The following DENND2C variants were observed in gnomAD, a reference collection of about 807,000 sequenced individuals.
DENND2C encodes DENN domain containing 2C, also known as DENN domain-containing protein 2C.
A neutral mutation model predicts 112.4 loss-of-function variants in DENND2C; 72 were observed. The observed-to-expected ratio is 0.64, with a 90% CI of 0.53 to 0.78. The LOEUF is 0.78. Among genes scored for constraint, DENND2C ranks in the 30% least tolerant of loss-of-function variants. DENND2C has a pLI of 0.00. For missense variants in DENND2C, 992 were observed against 1,113.8 expected (o/e 0.89, Z 1.56); for synonymous variants, 329 against 381.6 (o/e 0.86, Z 1.61).
At chr1:114,668,815 G>T (rs1369283479) in intron 1 of DENND2C, among the ~76,000 whole-genome samples, 1 of 152,142 alleles carries the variant, frequency 6.6e-6, no homozygotes, top group Non-Finnish European at 1.5e-5. Context: ...CTTCCTATAA[G>T]CAGCCCGTCA....
chr1:114,631,650 C>T lies in DENND2C; in HGVS notation c.-204-5462G>A, dbSNP rs538977530. On this transcript the variant is annotated intron_variant, in intron 3 of 20. Coordinates refer to ENST00000393274, the MANE Select transcript of DENND2C (RefSeq NM_001256404.2). The stretch of plus-strand genomic sequence containing the variant: ...TACAAAAATTAACCGGGAGTGGTGG[C>T]GGGTGCCTGTAGTCCCAGCTACTCG... Among the ~76,000 whole-genome samples, 10 of 152,082 alleles carry T rather than the reference C, an allele frequency of 6.6e-5. No individual in the cohort carries two copies. In the East Asian group the frequency reaches 9.7e-4, roughly 15 times the overall value.
intron 3 of DENND2C, among the ~76,000 whole-genome samples, chr1:114,636,223 G>A (rs1656652851): frequency 6.6e-6 from 1 of 151,954 alleles, no homozygotes; most frequent in Admixed American, 6.6e-5. Context: ...GGAAATAGAA[G>A]AGAATTTCCA....
In DENND2C at chr1:114,669,371, C is replaced by G. The variant is rs574142968; in HGVS notation, c.-574+612G>C. Among the ~76,000 whole-genome samples, 8 of 152,282 alleles carry G rather than the reference C, an allele frequency of 5.3e-5. No individual in the cohort carries two copies. The East Asian group carries it at 1.2e-3, about 22-fold the overall frequency. On this transcript the variant is annotated intron_variant, in intron 1 of 20. Coordinates refer to ENST00000393274, the MANE Select transcript of DENND2C (RefSeq NM_001256404.2). ...GGTATCACATCTGGTTCCGCGGGTT[C>G]TGGCCCTAGACTTGAGCCTTTTGAC...
chr1:114,603,165 G>T (rs1655563486), intron 11 of DENND2C, among the ~76,000 whole-genome samples: 2 of 148,276 alleles, frequency 1.3e-5, no homozygotes, highest in South Asian at 4.3e-4. Flanking sequence ...TTCTGAGACG[G>T]AGTCTCACTC....
chr1:114,652,831 T>C (rs1432920369), intron 2 of DENND2C, among the ~76,000 whole-genome samples: 1 of 151,900 alleles, frequency 6.6e-6, no homozygotes, highest in African/African-American at 2.4e-5. Context: ...ACAGGCCCCA[T>C]GCCTGGCTCT....
intron 10 of DENND2C, among the ~76,000 whole-genome samples, chr1:114,607,832 C>T (rs1655699325): frequency 6.6e-6 from 1 of 152,148 alleles, no homozygotes; most frequent in South Asian, 2.1e-4. Context: ...ATATACATTA[C>T]CTCACTAAAT....
At chr1:114,616,065 A>G (rs2101659098) in intron 8 of DENND2C, among the ~76,000 whole-genome samples, 1 of 151,986 alleles carries the variant, frequency 6.6e-6, no homozygotes, top group Admixed American at 6.6e-5. Flanking sequence ...ACAGAGCAAG[A>G]CTGTCTCAAA....
intron 3 of DENND2C, among the ~76,000 whole-genome samples, chr1:114,630,173 C>T (rs1208658641): frequency 6.6e-6 from 1 of 151,966 alleles, no homozygotes; most frequent in Non-Finnish European, 1.5e-5. Context: ...GGCATGGTGG[C>T]ATACGCCTGT....
chr1:114,623,548 T>G lies in DENND2C; in HGVS notation c.902A>C (p.Tyr301Ser), dbSNP rs1430729933. 6.2e-7 allele frequency: 1 copy of G among 1,611,088 alleles called. No homozygotes were observed. The highest frequency in any genetic ancestry group is 1.3e-5 in the African/African-American group (1 of 74,840). The change falls in exon 5 of 21, where the codon TAT (tyrosine) becomes TCT (serine). Residue 301 changes from tyrosine to serine, a missense_variant. Transcript: ENST00000393274. ...ELGRNSGSAL[Y>S]YTQSEDNIYE... ...GATATTGTCCTCAGACTGTGTGTAA[T>G]AAAGTGCTGACCCAGAATTTCTTCC... is the stretch of plus-strand genomic sequence containing the variant.
chr1:114,624,536 G>T (rs1656275171), intron 4 of DENND2C, among the ~76,000 whole-genome samples: 1 of 151,752 alleles, frequency 6.6e-6, no homozygotes, highest in African/African-American at 2.4e-5. Context: ...TTGAACTCCT[G>T]GCCTCAAGTG....
intron 2 of DENND2C, among the ~76,000 whole-genome samples, chr1:114,651,269 C>T (rs1657155014): frequency 1.0e-5 from 1 of 97,664 alleles, no homozygotes; most frequent in Admixed American, 1.1e-4. Flanking sequence ...GAGACCTTCC[C>T]TACACATACA....
Position 114,622,156 on chromosome 1 carries a change from C to T in DENND2C, c.1057-91G>A, listed in dbSNP as rs898268267. 9.6e-6 allele frequency: 13 copies of T among 1,354,882 alleles called. No homozygotes were observed. The African/African-American group carries it at 1.8e-4, about 18-fold the overall frequency. 83.9% of individuals were successfully genotyped at this position (1,354,882 alleles called of 1,614,324 possible). On this transcript the variant is annotated intron_variant, in intron 6 of 20. Transcript: ENST00000393274. ...TGAGATGGGGTCTTGCTCTGTCGCC[C>T]AGGCTGGAATGCAGTGGCACGATCA... is the stretch of plus-strand genomic sequence containing the variant.
At chr1:114,629,559 G>A (rs1271000714) in intron 3 of DENND2C, among the ~76,000 whole-genome samples, 5 of 152,150 alleles carry the variant, frequency 3.3e-5, no homozygotes, top group Non-Finnish European at 5.9e-5. Flanking sequence ...GATTACAAGC[G>A]TGAGCCACTG....
intron 3 of DENND2C, among the ~76,000 whole-genome samples, chr1:114,638,941 T>C (rs1376881243): frequency 6.6e-6 from 1 of 151,872 alleles, no homozygotes; most frequent in Non-Finnish European, 1.5e-5. Context: ...CTGCCATACA[T>C]ATATCTGATG....
At position 114,625,238 on chromosome 1, in the gene DENND2C, G is replaced by A; in HGVS notation, c.747C>T (p.Ala249=). 1.2e-6 allele frequency: 2 copies of A among 1,613,828 alleles called. No individual in the cohort carries two copies. The highest frequency in any genetic ancestry group is 1.7e-6 in the Non-Finnish European group (2 of 1,179,944). The change falls in exon 4 of 21, where the codon GCC becomes GCT. Residue 249 remains alanine (A), a synonymous_variant. Transcript: ENST00000393274. ...TCTTTGGTTCAGGTTCCTGAGAAGAGGCCAAAGAAGATTGTGCACAAGAGT... is the reference window on the plus strand; with the variant it reads ...TCTTTGGTTCAGGTTCCTGAGAAGAAGCCAAAGAAGATTGTGCACAAGAGT... ...ENNSCAQSSL[A]SSQEPEPKKY...
At chr1:114,592,593 G>A (rs994391558) in intron 18 of DENND2C, among the ~76,000 whole-genome samples, 2 of 152,062 alleles carry the variant, frequency 1.3e-5, no homozygotes, top group African/African-American at 2.4e-5. Flanking sequence ...GAGGGTGCAC[G>A]CCTGTAGGCC....
chr1:114,594,607 T>C, intron 17 of DENND2C, 29 bp from the exon 18 acceptor site: 1 of 1,585,086 alleles, frequency 6.3e-7, no homozygotes, highest in Admixed American at 1.7e-5. Context: ...TGGAGATTTT[T>C]CTTTGTTTGA....
intron 3 of DENND2C, among the ~76,000 whole-genome samples, chr1:114,641,057 T>C (rs1656822822): frequency 6.6e-6 from 1 of 151,990 alleles, no homozygotes. Flanking sequence ...AAAAAATCTT[T>C]CTAAAATCTG....
At chr1:114,600,060 A>G in intron 15 of DENND2C, 144 bp downstream of exon 15, 1 of 843,054 alleles carries the variant, frequency 1.2e-6, no homozygotes, top group Non-Finnish European at 1.8e-6. Flanking sequence ...TGGCACATGT[A>G]TACATATGTA....
Sources: allele counts gnomAD v4.1 joint callset (sites outside exome capture counted in the v4.1 genomes callset), GRCh38; gene constraint gnomAD v4.1.1; transcripts MANE v1.5; gene names NCBI Gene and HGNC (gene_info 2026-07-23, HGNC 2026-07-21).